ATXN1: variants seen among roughly 807,000 people sequenced by gnomAD.
ATXN1 encodes ataxin 1, also known as ataxin-1.
In ATXN1, 8 loss-of-function variants were observed where a neutral mutation model predicts 56.4. The ratio of observed to expected loss-of-function variants is 0.14; its 90% confidence interval spans 0.08 to 0.26. ATXN1 has a LOEUF of 0.26. Ranked by LOEUF, ATXN1 falls within the 10% of genes least tolerant of loss-of-function variation. The pLI is 1.00. For synonymous variants in ATXN1, 514 were observed against 494.6 expected (o/e 1.04, Z -0.52); for missense variants, 987 against 1,106.5 (o/e 0.89, Z 1.53).
chr6:16,427,734 T>C (rs1013101928), intron 6 of ATXN1, among the ~76,000 whole-genome samples: 4 of 152,348 alleles, frequency 2.6e-5, no homozygotes, highest in East Asian at 1.9e-4. Flanking sequence ...CAGGCTTTCA[T>C]TCAGCTTCTA....
intron 6 of ATXN1, among the ~76,000 whole-genome samples, chr6:16,454,562 G>A (rs1759828373): frequency 1.3e-5 from 2 of 152,090 alleles, no homozygotes; most frequent in Non-Finnish European, 2.9e-5. Flanking sequence ...AATGATTCAG[G>A]AATATCCCTA....
intron 6 of ATXN1, among the ~76,000 whole-genome samples, chr6:16,389,063 G>A (rs1226998062): frequency 2.6e-5 from 4 of 152,212 alleles, no homozygotes; most frequent in Admixed American, 6.5e-5. Flanking sequence ...GTGGCCCGGC[G>A]TGGTGGCTCA....
intron 6 of ATXN1, among the ~76,000 whole-genome samples, chr6:16,479,126 G>A (rs1170201951): frequency 6.6e-6 from 1 of 152,098 alleles, no homozygotes; most frequent in Non-Finnish European, 1.5e-5. Context: ...TTATGATAGA[G>A]GATAGCCATT....
At chr6:16,555,314 T>G (rs1022393305) in intron 4 of ATXN1, among the ~76,000 whole-genome samples, 30 of 152,098 alleles carry the variant, frequency 2.0e-4, no homozygotes, top group African/African-American at 7.2e-4. Flanking sequence ...GTACAACATC[T>G]CATAAGTACA....
At chr6:16,618,542 C>T (rs888622802) in intron 3 of ATXN1, among the ~76,000 whole-genome samples, 3 of 152,240 alleles carry the variant, frequency 2.0e-5, no homozygotes, top group African/African-American at 7.2e-5. Context: ...ACCAGCCTGG[C>T]CAACATGGCG....
At chr6:16,450,488 A>G (rs1025467916) in intron 6 of ATXN1, among the ~76,000 whole-genome samples, 21 of 152,198 alleles carry the variant, frequency 1.4e-4, no homozygotes, top group African/African-American at 4.6e-4. Context: ...AAGGGAAGGA[A>G]TGTGCTTTGG....
At chr6:16,741,928 A>G (rs1349871803) in intron 2 of ATXN1, among the ~76,000 whole-genome samples, 1 of 152,246 alleles carries the variant, frequency 6.6e-6, no homozygotes, top group East Asian at 1.9e-4. Context: ...GAAAAAAAAT[A>G]TAACTTGTTC....
intron 6 of ATXN1, among the ~76,000 whole-genome samples, chr6:16,429,917 T>C (rs956569339): frequency 1.3e-5 from 2 of 152,222 alleles, no homozygotes; most frequent in Admixed American, 6.5e-5. Context: ...TGTGGATTCC[T>C]AGCTGGAGGC....
chr6:16,712,863 G>A (rs1404917014), intron 2 of ATXN1, among the ~76,000 whole-genome samples: 1 of 152,096 alleles, frequency 6.6e-6, no homozygotes, highest in Admixed American at 6.6e-5. Context: ...TACCTGCTAG[G>A]ATAATGAGAT....
At chr6:16,641,616 A>T (rs1458259950) in intron 3 of ATXN1, among the ~76,000 whole-genome samples, 1 of 152,198 alleles carries the variant, frequency 6.6e-6, no homozygotes, top group Admixed American at 6.5e-5. Flanking sequence ...TCACTCATCT[A>T]AGAGCTCTGA....
intron 4 of ATXN1, among the ~76,000 whole-genome samples, chr6:16,569,517 ACTC>A (rs915726067): frequency 1.4e-4 from 18 of 124,498 alleles, no homozygotes; most frequent in Non-Finnish European, 2.8e-4. Flanking sequence ...ACAGAGTGAG[ACTC>A]CGTCTCAGAA....
chr6:16,689,543 T>TG (rs1759000076), intron 2 of ATXN1, among the ~76,000 whole-genome samples: 1 of 136,202 alleles, frequency 7.3e-6, no homozygotes, highest in African/African-American at 2.8e-5. Flanking sequence ...TTTGTAGAGA[T>TG]GGAGTCTCCC....
chr6:16,537,897 G>A (rs755315349), intron 4 of ATXN1, among the ~76,000 whole-genome samples: 19 of 152,108 alleles, frequency 1.2e-4, no homozygotes, highest in Non-Finnish European at 2.5e-4. Context: ...GAGGTCAGGA[G>A]TTTGAGACCA....
chr6:16,367,362 TCACACACACACACACA>T (rs67144687), intron 6 of ATXN1, among the ~76,000 whole-genome samples: 1 of 144,462 alleles, frequency 6.9e-6, no homozygotes, highest in Non-Finnish European at 1.5e-5. Flanking sequence ...TCTCTCTCTC[TCACACACACACACACA>T]CACACACATA....
intron 6 of ATXN1, among the ~76,000 whole-genome samples, chr6:16,483,229 T>G (rs931649518): frequency 6.6e-6 from 1 of 151,960 alleles, no homozygotes; most frequent in African/African-American, 2.4e-5. Flanking sequence ...TAATGGGACA[T>G]GCACAGGAAT....
At chr6:16,429,750 T>C (rs950966465) in intron 6 of ATXN1, among the ~76,000 whole-genome samples, 1 of 152,142 alleles carries the variant, frequency 6.6e-6, no homozygotes, top group Non-Finnish European at 1.5e-5. Context: ...GCATTCTGTG[T>C]TTCTATGAGT....
chr6:16,587,763 T>C (rs1293846310), intron 3 of ATXN1, among the ~76,000 whole-genome samples: 1 of 151,338 alleles, frequency 6.6e-6, no homozygotes, highest in East Asian at 1.9e-4. Context: ...TGAAACCCCA[T>C]CTATACTAAA....
rs545205502 is a variant in ATXN1, at chr6:16,632,890, G to T, written c.-489+24886C>A. 5.9e-5 allele frequency among the ~76,000 whole-genome samples: 9 copies of T among 151,944 alleles called. No homozygotes were observed. In the South Asian group the frequency reaches 1.9e-3, roughly 32 times the overall value. On this transcript the variant is annotated intron_variant, in intron 3 of 7. Coordinates refer to ENST00000436367, the MANE Select transcript of ATXN1 (RefSeq NM_001128164.2). The stretch of plus-strand genomic sequence containing the variant: ...CATGCGCCTGTAATCCCAGCTACTT[G>T]GGAGGCTGAGACAGGAGAATCGCTT...
intron 3 of ATXN1, among the ~76,000 whole-genome samples, chr6:16,619,060 T>TA (rs956564819): frequency 6.4e-4 from 96 of 150,872 alleles, no homozygotes; most frequent in African/African-American, 2.1e-3. Context: ...GAAACTACAC[T>TA]AAAAAAAGCA....
Sources: allele counts gnomAD v4.1 joint callset (sites outside exome capture counted in the v4.1 genomes callset), GRCh38; gene constraint gnomAD v4.1.1; transcripts MANE v1.5; gene names NCBI Gene and HGNC (gene_info 2026-07-23, HGNC 2026-07-21).